The following UST variants were observed in gnomAD, a reference collection of about 807,000 sequenced individuals.
UST encodes uronyl 2-sulfotransferase, also known as chondroitin sulfate 2-O-sulfotransferase.
In UST, 21 loss-of-function variants were observed where a neutral mutation model predicts 45.6. The ratio of observed to expected loss-of-function variants is 0.46; its 90% CI spans 0.33 to 0.66. The LOEUF (loss-of-function observed/expected upper bound fraction) is 0.66. Ranked by LOEUF, UST falls within the 30% of genes least tolerant of loss-of-function variation. The pLI, the probability that UST is intolerant of heterozygous loss-of-function variation, is 0.02. For synonymous variants in UST, 215 were observed against 200.6 expected, an observed-to-expected ratio of 1.07 and a Z score of -0.61; for missense variants, 463 against 512.4, an observed-to-expected ratio of 0.90 and a Z score of 0.93.
intron 2 of UST, among the ~76,000 whole-genome samples, chr6:148,928,893 G>C (rs981564954): frequency 6.6e-6 from 1 of 152,180 alleles, no homozygotes; most frequent in African/African-American, 2.4e-5. Flanking sequence ...TCTCATTTCA[G>C]TGTGGGAAGC....
Position 148,941,372 on chromosome 6 carries a change from C to T in UST, c.385C>T (p.His129Tyr), listed in dbSNP as rs778059881. The change falls in exon 3 of 8, where the codon CAC becomes TAC. Residue 129 changes from histidine (H) to tyrosine (Y), a missense_variant. By Grantham distance (83) the His-to-Tyr change is moderately conservative (BLOSUM62 2). Coordinates refer to ENST00000367463, the MANE Select transcript of UST (RefSeq NM_005715.3). ...VLLLRILSEK[H>Y]GFNLVTSDIH... ...GCTTCTGAGAATCTTGTCGGAGAAGCACGGATTTAATTTGGTCACATCAGA... is the reference window on the plus strand; with the variant it reads ...GCTTCTGAGAATCTTGTCGGAGAAGTACGGATTTAATTTGGTCACATCAGA... 1.2e-6 allele frequency: 2 copies of T among 1,612,526 alleles called. No homozygotes were observed. Among genetic ancestry groups the T allele is most frequent in the East Asian group, 4.5e-5 (2 of 44,846 alleles).
intron 1 of UST, among the ~76,000 whole-genome samples, chr6:148,854,808 C>T (rs1376618833): frequency 1.3e-5 from 2 of 152,116 alleles, no homozygotes; most frequent in Non-Finnish European, 2.9e-5. Flanking sequence ...TTAGAAGCCT[C>T]TGTTGCTGAA....
intron 1 of UST, among the ~76,000 whole-genome samples, chr6:148,829,987 G>A (rs1303919362): frequency 6.6e-6 from 1 of 152,192 alleles, no homozygotes; most frequent in African/African-American, 2.4e-5. Flanking sequence ...AAACCACCAG[G>A]CACTACACTT....
intron 1 of UST, among the ~76,000 whole-genome samples, chr6:148,809,543 A>G (rs961992798): frequency 6.6e-6 from 1 of 152,170 alleles, no homozygotes; most frequent in South Asian, 2.1e-4. Flanking sequence ...GAGTGGTGGC[A>G]TTCTCTGGCA....
chr6:148,822,588 A>C (rs1211988419), intron 1 of UST, among the ~76,000 whole-genome samples: 1 of 152,198 alleles, frequency 6.6e-6, no homozygotes, highest in African/African-American at 2.4e-5. Context: ...AGCCCCATGC[A>C]TTGTCTCAAG....
chr6:148,977,119 C>T (rs1051950277), intron 5 of UST, among the ~76,000 whole-genome samples: 2 of 151,636 alleles, frequency 1.3e-5, no homozygotes, highest in Non-Finnish European at 2.9e-5. Context: ...TTTGTGTTTT[C>T]CTCATTAAAG....
chr6:149,043,014 T>TCTTGCTTG (rs1562337781), intron 7 of UST, among the ~76,000 whole-genome samples: 8 of 76,080 alleles, frequency 1.1e-4, no homozygotes, highest in African/African-American at 1.8e-4. Flanking sequence ...TTTCTTTCTT[T>TCTTGCTTG]CTTTCTTTTT....
chr6:148,879,879 C>G (rs149294846), intron 1 of UST, among the ~76,000 whole-genome samples: 20 of 151,870 alleles, frequency 1.3e-4, no homozygotes, highest in African/African-American at 4.8e-4. Context: ...GGGGCATTCT[C>G]TACTACAAAG....
intron 1 of UST, among the ~76,000 whole-genome samples, chr6:148,815,209 A>G (rs1281332191): frequency 1.3e-5 from 2 of 152,230 alleles, no homozygotes; most frequent in African/African-American, 4.8e-5. Flanking sequence ...GAGGGAGAAT[A>G]TGCTTGTTTG....
chr6:148,963,924 C>T (rs1022546045), intron 4 of UST, among the ~76,000 whole-genome samples: 6 of 152,212 alleles, frequency 3.9e-5, no homozygotes, highest in Non-Finnish European at 7.3e-5. Context: ...GCACCTGACC[C>T]GGAACTGTTT....
At chr6:149,069,283 G>A (rs945140573) in intron 7 of UST, among the ~76,000 whole-genome samples, 12 of 152,148 alleles carry the variant, frequency 7.9e-5, no homozygotes, top group Admixed American at 1.3e-4. Context: ...CTGGATCATG[G>A]TAGTTCTATT....
At chr6:148,854,567 C>T (rs1267997545) in intron 1 of UST, among the ~76,000 whole-genome samples, 5 of 151,966 alleles carry the variant, frequency 3.3e-5, no homozygotes, top group Non-Finnish European at 2.9e-5. Context: ...CATTATGGAA[C>T]AAATCTTAAT....
chr6:148,829,140 GGGATGGATGGAT>G lies in UST; in HGVS notation c.248-57805_248-57794del, dbSNP rs61564934. On this transcript the variant is annotated intron_variant, in intron 1 of 7. Transcript: ENST00000367463. ...AAGTGGACATTTCAAGTTAAGCCCT[GGGATGGATGGAT>G]GGATGGATGGATGGATGGATGGATG... Among the ~76,000 whole-genome samples the G allele has an allele frequency of 6.1e-3, 914 of 149,360 alleles. 7 individuals carry two copies. The highest frequency in any genetic ancestry group is 0.02 in the African/African-American group (797 of 40,452).
rs139020176 is a variant in UST, at chr6:148,941,201, T to G, written c.292-78T>G. The G allele has an allele frequency of 6.1e-5, 94 of 1,533,490 alleles. No individual in the cohort carries two copies. In the East Asian group the frequency reaches 2.1e-3, roughly 34 times the overall value. 95.0% of individuals were successfully genotyped at this position (1,533,490 alleles called of 1,614,324 possible). On this transcript the variant is annotated intron_variant, in intron 2 of 7. Coordinates refer to ENST00000367463, the MANE Select transcript of UST (RefSeq NM_005715.3). Reference sequence around the variant, plus strand: ...TCAGATTTATTATATGAAACAGTTATTGTTCTGAAATTGAGGGAAGAATCC... The same window carrying G: ...TCAGATTTATTATATGAAACAGTTAGTGTTCTGAAATTGAGGGAAGAATCC...
At chr6:148,946,813 C>CA (rs60990121) in intron 3 of UST, among the ~76,000 whole-genome samples, 1,544 of 56,704 alleles carry the variant, frequency 0.027, 245 homozygotes, top group East Asian at 0.051. Flanking sequence ...GACTCCATCC[C>CA]AAAAAAAAAA....
chr6:148,952,810 T>C (rs1343672445), intron 3 of UST, among the ~76,000 whole-genome samples: 1 of 152,206 alleles, frequency 6.6e-6, no homozygotes, highest in African/African-American at 2.4e-5. Flanking sequence ...CAAGCTGCAA[T>C]GTGCTTTTAA....
intron 1 of UST, among the ~76,000 whole-genome samples, chr6:148,760,742 AAAAC>A (rs1348330868): frequency 7.4e-4 from 112 of 152,210 alleles, no homozygotes; most frequent in Non-Finnish European, 1.1e-3. Flanking sequence ...AAAACAAAAA[AAAAC>A]CACAAACATC....
intron 5 of UST, among the ~76,000 whole-genome samples, chr6:148,996,322 G>A (rs1040644809): frequency 2.6e-5 from 4 of 152,178 alleles, no homozygotes; most frequent in African/African-American, 7.2e-5. Context: ...AGGTTCAAGT[G>A]ATTCTCCTCC....
chr6:148,763,644 G>A (rs545632782), intron 1 of UST, among the ~76,000 whole-genome samples: 1 of 152,208 alleles, frequency 6.6e-6, no homozygotes, highest in East Asian at 1.9e-4. Context: ...TTACCTTTAA[G>A]TCTTTAATTC....
Sources: allele counts gnomAD v4.1 joint callset (sites outside exome capture counted in the v4.1 genomes callset), GRCh38; gene constraint gnomAD v4.1.1; transcripts MANE v1.5; gene names NCBI Gene and HGNC (gene_info 2026-07-23, HGNC 2026-07-21).